Variants in MARCO observed in about 807,000 individuals in gnomAD.
MARCO encodes macrophage receptor MARCO.
Under a neutral mutation model 70.0 loss-of-function variants are expected in MARCO, and 72 were observed. That is an observed-to-expected ratio of 1.03 (90% CI 0.85 to 1.25). The LOEUF (loss-of-function observed/expected upper bound fraction) is 1.25. Among genes scored for constraint, MARCO ranks in the 50% most tolerant of loss-of-function variants. MARCO has a pLI of 0.00. For synonymous variants in MARCO, 273 were observed against 243.1 expected, an observed-to-expected ratio of 1.12 and a Z score of -1.14; for missense variants, 696 against 659.3, an observed-to-expected ratio of 1.06 and a Z score of -0.61.
At chr2:118,975,302 G>A (rs1303558008) in intron 6 of MARCO, among the ~76,000 whole-genome samples, 3 of 152,174 alleles carry the variant, frequency 2.0e-5, no homozygotes, top group African/African-American at 7.2e-5. Flanking sequence ...AGGCTGCTGG[G>A]ATGTGAAGAT....
chr2:118,981,301 A>G, intron 8 of MARCO, 108 bp from the exon 9 acceptor site: 3 of 731,748 alleles, frequency 4.1e-6, no homozygotes, highest in Non-Finnish European at 7.0e-6. Flanking sequence ...GTAGGAGCTC[A>G]AGGAGTTTAG....
chr2:118,984,542 A>G (rs2104601004), intron 12 of MARCO, among the ~76,000 whole-genome samples: 1 of 152,326 alleles, frequency 6.6e-6, no homozygotes, highest in South Asian at 2.1e-4. Context: ...CCGTTTATCT[A>G]AAACTGTGCA....
At chr2:118,977,589 C>CCACCA in intron 7 of MARCO, 74 bp downstream of exon 7, 1 of 1,339,572 alleles carries the variant, frequency 7.5e-7, no homozygotes, top group Non-Finnish European at 1.1e-6. Flanking sequence ...CCCCACCCCC[C>CCACCA]ATCCTCTTTC....
rs111660437 is a variant in MARCO at position 118,991,916 on chromosome 2, G to A, written c.1207+41G>A. 5.0e-3 allele frequency: 6,811 copies of A among 1,368,122 alleles called. 286 individuals carry two copies. The African/African-American group carries it at 0.089, about 18-fold the overall frequency. 84.7% of individuals were successfully genotyped at this position (1,368,122 alleles called of 1,614,324 possible). On this transcript the variant is annotated intron_variant, in intron 14 of 16. Coordinates refer to ENST00000327097, the MANE Select transcript of MARCO (RefSeq NM_006770.4). ...CTGATTCCTTTGTTCTTAGGACTGT[G>A]CTTTACAGCCAGTTCTGTACCTTAA... is the stretch of plus-strand genomic sequence containing the variant.
intron 1 of MARCO, among the ~76,000 whole-genome samples, chr2:118,962,548 T>A (rs748137005): frequency 2.6e-5 from 4 of 152,064 alleles, no homozygotes; most frequent in Non-Finnish European, 5.9e-5. Context: ...GTGTCAAAGT[T>A]CATGAAATAG....
intron 1 of MARCO, among the ~76,000 whole-genome samples, chr2:118,953,945 C>T (rs1449019927): frequency 6.6e-6 from 1 of 152,296 alleles, no homozygotes; most frequent in East Asian, 1.9e-4. Context: ...CAGCCCACTC[C>T]TGGCTGGCAC....
At chr2:118,964,686 A>G (rs34862262) in intron 1 of MARCO, among the ~76,000 whole-genome samples, 27,929 of 151,914 alleles carry the variant, frequency 0.18, 3,394 homozygotes, top group African/African-American at 0.33. Flanking sequence ...TCAGGAATTC[A>G]AGACCAGCCT....
At chr2:118,959,525 A>C (rs1327056363) in intron 1 of MARCO, among the ~76,000 whole-genome samples, 1 of 152,216 alleles carries the variant, frequency 6.6e-6, no homozygotes, top group Non-Finnish European at 1.5e-5. Flanking sequence ...GAACACTTCT[A>C]CACTGCTGGT....
At chr2:118,970,669 C>T (rs555367511) in intron 3 of MARCO, among the ~76,000 whole-genome samples, 124 of 152,274 alleles carry the variant, frequency 8.1e-4, no homozygotes, top group African/African-American at 2.3e-3. Context: ...GGAGGACACC[C>T]GGACCTGCTG....
In MARCO at chr2:118,991,760, A is replaced by G. The variant is rs1373428016; in HGVS notation, c.1109-17A>G. ...GCAAAGCAGGGCACCTGATCAGGGC[A>G]GTGTCTCTCCTTCCAGGCCCTGCAG... is the stretch of plus-strand genomic sequence containing the variant. On this transcript the variant is annotated splice_polypyrimidine_tract_variant and intron_variant, in intron 13 of 16. Coordinates refer to ENST00000327097, the MANE Select transcript of MARCO (RefSeq NM_006770.4). The G allele has an allele frequency of 3.3e-6, 5 of 1,516,964 alleles. No homozygotes were observed. The highest frequency in any genetic ancestry group is 4.5e-6 in the Non-Finnish European group (5 of 1,114,190). The allele number at this position is 1,516,964 out of a possible 1,614,324, so 94.0% of individuals were successfully genotyped here.
intron 1 of MARCO, among the ~76,000 whole-genome samples, chr2:118,943,042 G>T (rs901603761): frequency 6.6e-6 from 1 of 152,134 alleles, no homozygotes; most frequent in Non-Finnish European, 1.5e-5. Context: ...TCATGGGTGG[G>T]CTTGCATTCC....
intron 13 of MARCO, among the ~76,000 whole-genome samples, chr2:118,990,907 G>C (rs765029639): frequency 1.3e-5 from 2 of 152,298 alleles, no homozygotes; most frequent in Middle Eastern, 6.8e-3. Context: ...TGTCAGGAGA[G>C]CTGGGGGTGC....
chr2:118,977,406 C>A lies in MARCO; in HGVS notation c.614-65C>A. On this transcript the variant is annotated intron_variant, in intron 6 of 16. Transcript: ENST00000327097. The stretch of plus-strand genomic sequence containing the variant: ...CAACTAAGGGAATCTAGAATGTCAG[C>A]TGATTAAAGACATTTTAGACATTCT... 3.9e-6 allele frequency: 5 copies of A among 1,282,160 alleles called. No individual in the cohort carries two copies. The South Asian group carries it at 6.0e-5, about 15-fold the overall frequency. 79.4% of individuals were successfully genotyped at this position (1,282,160 alleles called of 1,614,324 possible).
chr2:118,968,617 A>C (rs937759279), intron 1 of MARCO, among the ~76,000 whole-genome samples: 5 of 152,200 alleles, frequency 3.3e-5, no homozygotes, highest in Admixed American at 2.6e-4. Flanking sequence ...CATGCCCTGT[A>C]CATTATTTGA....
chr2:118,986,693 GAAA>G lies in MARCO; in HGVS notation c.1064-3895_1064-3893del, dbSNP rs1558671884. Among the ~76,000 whole-genome samples the G allele has an allele frequency of 6.8e-4, 50 of 73,636 alleles. 5 individuals carry two copies. The highest frequency in any genetic ancestry group is 2.9e-3 in the African/African-American group (47 of 16,472). The allele number at this position is 73,636 out of a possible 152,430, so 48.3% of individuals were successfully genotyped here. ...GGAAGGAAAGAAAGAAAGAAAGAAAGAAAGAAAGAAAGAAAGAAAGAAAGAAAG... is the reference window on the plus strand; with the variant it reads ...GGAAGGAAAGAAAGAAAGAAAGAAAGGAAAGAAAGAAAGAAAGAAAGAAAG... On this transcript the variant is annotated intron_variant, in intron 12 of 16. Transcript: ENST00000327097.
rs551073157 is a variant in MARCO, at chr2:118,959,651, A to G, written c.98-9509A>G. Among the ~76,000 whole-genome samples, 3 of 152,326 alleles carry G rather than the reference A, an allele frequency of 2.0e-5. No individual in the cohort carries two copies. In the East Asian group the frequency reaches 5.8e-4, roughly 29 times the overall value. ...TACTACTGGGTATCTACCCAGAGGA[A>G]AAGAAGTCACTGTTTGAAAAAGATA... On this transcript the variant is annotated intron_variant, in intron 1 of 16. Transcript: ENST00000327097.
At chr2:118,982,557 C>A in intron 12 of MARCO, 147 bp downstream of exon 12, 2 of 765,982 alleles carry the variant, frequency 2.6e-6, no homozygotes, top group East Asian at 2.5e-5. Flanking sequence ...GGGGCAGTTG[C>A]CCCTGCCAGG....
At chr2:118,949,705 C>T (rs1310145209) in intron 1 of MARCO, 3 of 152,138 alleles carry the variant, frequency 2.0e-5, no homozygotes, top group Non-Finnish European at 2.9e-5. Context: ...GGAACAATGG[C>T]CCATGATTCT....
chr2:118,947,867 C>T (rs1016432893), intron 1 of MARCO, among the ~76,000 whole-genome samples: 1 of 152,144 alleles, frequency 6.6e-6, no homozygotes, highest in African/African-American at 2.4e-5. Flanking sequence ...TCTACGGTTA[C>T]AAAAAGATCT....
Sources: gnomAD v4.1 joint callset for allele counts (sites outside exome capture counted in the v4.1 genomes callset) on GRCh38, gnomAD v4.1.1 for gene constraint, MANE v1.5 for transcripts, NCBI Gene and HGNC (gene_info 2026-07-23, HGNC 2026-07-21) for gene names.